The following CARMIL1 variants were observed in gnomAD, a reference collection of about 807,000 sequenced individuals.
CARMIL1 encodes the protein capping protein regulator and myosin 1 linker 1, also known as F-actin-uncapping protein LRRC16A.
Under a neutral mutation model 177.1 loss-of-function variants are expected in CARMIL1, and 90 were observed. The ratio of observed to expected loss-of-function variants is 0.51; its 90% CI spans 0.43 to 0.61. The LOEUF is 0.61. CARMIL1 is among the 20% of genes least tolerant of loss of function. The probability of loss-of-function intolerance (pLI) is 0.00; values close to 1 mark genes in which losing one functional copy is unlikely to be tolerated. For missense variants in CARMIL1, 1,380 were observed against 1,667.0 expected (o/e 0.83, Z 3.00); for synonymous variants, 577 against 606.2 (o/e 0.95, Z 0.71).
chr6:25,429,260 G>A (rs1009106008), intron 4 of CARMIL1, among the ~76,000 whole-genome samples: 1 of 152,190 alleles, frequency 6.6e-6, no homozygotes, highest in Non-Finnish European at 1.5e-5. Flanking sequence ...TTTCTTGTCA[G>A]CAGCCTACTG....
chr6:25,286,595 T>C (rs1179902315), intron 2 of CARMIL1, among the ~76,000 whole-genome samples: 2 of 152,234 alleles, frequency 1.3e-5, no homozygotes, highest in African/African-American at 2.4e-5. Context: ...AGAAGAAATA[T>C]TGTTTCTGTC....
chr6:25,359,459 G>T (rs1788968399), intron 2 of CARMIL1, among the ~76,000 whole-genome samples: 1 of 152,224 alleles, frequency 6.6e-6, no homozygotes, highest in African/African-American at 2.4e-5. Flanking sequence ...CAGCTGTTAA[G>T]CTGGTACAGG....
chr6:25,389,271 T>C (rs1418490441), intron 2 of CARMIL1: 1 of 151,322 alleles, frequency 6.6e-6, no homozygotes. Context: ...TTTCAGCTTC[T>C]CATTGGTTTA....
At chr6:25,336,705 A>G (rs1458023943) in intron 2 of CARMIL1, among the ~76,000 whole-genome samples, 1 of 152,174 alleles carries the variant, frequency 6.6e-6, no homozygotes, top group Non-Finnish European at 1.5e-5. Context: ...GGCCCCTTTT[A>G]TAGTACATAG....
At chr6:25,283,735 CAG>C (rs1781317758) in intron 1 of CARMIL1, among the ~76,000 whole-genome samples, 1 of 152,060 alleles carries the variant, frequency 6.6e-6, no homozygotes, top group African/African-American at 2.4e-5. Context: ...TTTTTTGAGA[CAG>C]AGTCTCACTG....
At chr6:25,333,365 C>A (rs1785893174) in intron 2 of CARMIL1, among the ~76,000 whole-genome samples, 1 of 152,028 alleles carries the variant, frequency 6.6e-6, no homozygotes, top group African/African-American at 2.4e-5. Context: ...GAGTTCGAGA[C>A]CAGCCTGGGC....
chr6:25,602,818 G>A (rs867355312), intron 33 of CARMIL1, among the ~76,000 whole-genome samples: 11 of 151,968 alleles, frequency 7.2e-5, no homozygotes, highest in South Asian at 4.1e-4. Context: ...TTCTCTTTGC[G>A]TTGCTGGCAT....
At chr6:25,384,549 C>T (rs1054789648) in intron 2 of CARMIL1, among the ~76,000 whole-genome samples, 1 of 152,264 alleles carries the variant, frequency 6.6e-6, no homozygotes, top group African/African-American at 2.4e-5. Flanking sequence ...GTCCCCTCCC[C>T]TGGTCCACTC....
chr6:25,357,662 C>A (rs1010119797), intron 2 of CARMIL1, among the ~76,000 whole-genome samples: 2 of 152,118 alleles, frequency 1.3e-5, no homozygotes, highest in Non-Finnish European at 2.9e-5. Flanking sequence ...TTTTAATAAG[C>A]CTTGAAAAGC....
At position 25,450,330 on chromosome 6, in the gene CARMIL1, A is replaced by T. The variant is rs371033239; in HGVS notation, c.470-9A>T. 1 of 1,608,558 alleles carries T rather than the reference A, an allele frequency of 6.2e-7. No individual in the cohort carries two copies. Among genetic ancestry groups the T allele is most frequent in the Non-Finnish European group, 8.5e-7 (1 of 1,175,478 alleles). The stretch of plus-strand genomic sequence containing the variant: ...AAAGACCTGTCAGTGTTTTTGTTGT[A>T]TGTTTCAGGTGGATTTTCTCAGATG... On this transcript the variant is annotated splice_polypyrimidine_tract_variant and intron_variant, in intron 6 of 36. Transcript: ENST00000329474.
chr6:25,486,203 T>G (rs1802639242), intron 12 of CARMIL1, among the ~76,000 whole-genome samples: 1 of 152,170 alleles, frequency 6.6e-6, no homozygotes, highest in African/African-American at 2.4e-5. Flanking sequence ...GAGCCTTGAT[T>G]TTTTTTCAAT....
chr6:25,446,386 G>A (rs1427038284), intron 5 of CARMIL1, among the ~76,000 whole-genome samples: 2 of 152,196 alleles, frequency 1.3e-5, no homozygotes, highest in Admixed American at 1.3e-4. Context: ...TTCTTCATCA[G>A]CACTTGCTCC....
chr6:25,574,881 T>C (rs151018200), intron 29 of CARMIL1, among the ~76,000 whole-genome samples: 8 of 152,314 alleles, frequency 5.3e-5, no homozygotes, highest in African/African-American at 1.9e-4. Context: ...TTCTTATTAA[T>C]GGCCCCCCTC....
chr6:25,409,444 C>A (rs887261171), intron 2 of CARMIL1, among the ~76,000 whole-genome samples: 5 of 152,068 alleles, frequency 3.3e-5, no homozygotes, highest in Admixed American at 2.6e-4. Context: ...AGATTGTCTC[C>A]AATTTAGAAG....
intron 2 of CARMIL1, among the ~76,000 whole-genome samples, chr6:25,390,314 ATATATATTTTTTTT>A (rs1175669801): frequency 4.0e-4 from 16 of 39,518 alleles, no homozygotes; most frequent in South Asian, 4.0e-3. Context: ...ATATATATAT[ATATATATTTTTTTT>A]TTTTTTTTTT....
At chr6:25,385,291 CAG>C (rs1792038822) in intron 2 of CARMIL1, among the ~76,000 whole-genome samples, 1 of 152,310 alleles carries the variant, frequency 6.6e-6, no homozygotes, top group Non-Finnish European at 1.5e-5. Flanking sequence ...TGCTCTGTGA[CAG>C]AGTTTGAACT....
At chr6:25,619,383 A>C (rs898954904) in intron 36 of CARMIL1, 64 bp from the exon 37 acceptor site, 49 of 1,510,536 alleles carry the variant, frequency 3.2e-5, no homozygotes, top group Non-Finnish European at 5.3e-6. Context: ...ATCTCAGCCC[A>C]TTATCAGTCA....
At chr6:25,353,571 C>G (rs971795620) in intron 2 of CARMIL1, among the ~76,000 whole-genome samples, 1 of 152,230 alleles carries the variant, frequency 6.6e-6, no homozygotes, top group Non-Finnish European at 1.5e-5. Context: ...TCTGAGCCAG[C>G]TGAAGGATGT....
rs149747430 is a variant in CARMIL1 at position 25,515,054 on chromosome 6, A to T, written c.1633-621A>T. ...ACCAGTACATCTGGGTTTGAATCCT[A>T]GTTCAGGTGCTTTCTAACAATGTAA... On this transcript the variant is annotated intron_variant, in intron 20 of 36. Coordinates refer to ENST00000329474, the MANE Select transcript of CARMIL1 (RefSeq NM_017640.6). This position sits in a 1 kb window ranked among gnomAD's most constrained non-coding sequence, Gnocchi z 5.0. 6.6e-6 allele frequency among the ~76,000 whole-genome samples: 1 copy of T among 152,372 alleles called. No individual in the cohort carries two copies. The highest frequency in any genetic ancestry group is 1.9e-4 in the East Asian group (1 of 5,190).
Sources: gnomAD v4.1 joint callset for allele counts (sites outside exome capture counted in the v4.1 genomes callset) on GRCh38, gnomAD v4.1.1 for gene constraint, Gnocchi (gnomAD v3.1) non-coding constraint, MANE v1.5 for transcripts, NCBI Gene and HGNC (gene_info 2026-07-23, HGNC 2026-07-21) for gene names.